Variants in CRACD observed in about 807,000 individuals in gnomAD.
CRACD encodes capping protein inhibiting regulator of actin dynamics.
A neutral mutation model predicts 106.8 loss-of-function variants in CRACD; 56 were observed. The ratio of observed to expected loss-of-function variants is 0.52; its 90% CI spans 0.42 to 0.66. CRACD has a LOEUF of 0.66. Ranked by LOEUF, CRACD falls within the 30% of genes least tolerant of loss-of-function variation. CRACD has a pLI of 0.00. For missense variants in CRACD, 1,730 were observed against 1,623.2 expected (o/e 1.07, Z -1.13); for synonymous variants, 754 against 670.8 (o/e 1.12, Z -1.92).
rs1746559823 is a variant in CRACD at position 56,327,865 on chromosome 4, A to G, written c.*61A>G. 1.4e-6 allele frequency: 2 copies of G among 1,443,574 alleles called. No individual in the cohort carries two copies. Among genetic ancestry groups the G allele is most frequent in the African/African-American group, 2.9e-5 (2 of 69,978 alleles). 89.4% of individuals were successfully genotyped at this position (1,443,574 alleles called of 1,614,324 possible). A position where few individuals can be genotyped will look rare whatever the true frequency, so the allele number is the denominator to read the frequency against. On this transcript the variant is annotated 3_prime_UTR_variant, in exon 11 of 11. Coordinates refer to ENST00000682029, the MANE Select transcript of CRACD (RefSeq NM_001393381.1). ...GGCTCCTCTCTTGCCCTTTTTATTT[A>G]TTTATTTTTTATATGGGGTAAAGAA...
chr4:56,182,863 A>ATGTGTGTG (rs34291347), intron 2 of CRACD, among the ~76,000 whole-genome samples: 1,688 of 144,774 alleles, frequency 0.012, 45 homozygotes, highest in East Asian at 0.069. Context: ...AAAAAAAGAT[A>ATGTGTGTG]TGTGTGTGTG....
chr4:56,074,076 A>G (rs1732754015), intron 1 of CRACD, among the ~76,000 whole-genome samples: 1 of 151,034 alleles, frequency 6.6e-6, no homozygotes, highest in African/African-American at 2.4e-5. Context: ...CTGTTTTGGT[A>G]TATACTGTAG....
chr4:56,108,269 AATCCTGTATCATTAAT>A (rs1229035939), intron 1 of CRACD, among the ~76,000 whole-genome samples: 1 of 152,188 alleles, frequency 6.6e-6, no homozygotes, highest in African/African-American at 2.4e-5. Context: ...CCACCGGTAT[AATCCTGTATCATTAAT>A]ACCCCTGATA....
At chr4:56,134,819 T>A (rs1175243714) in intron 1 of CRACD, among the ~76,000 whole-genome samples, 2 of 152,114 alleles carry the variant, frequency 1.3e-5, no homozygotes, top group Non-Finnish European at 2.9e-5. Flanking sequence ...AGATCAGATG[T>A]CAGGGAAGAA....
chr4:56,175,664 G>A (rs1055830784), intron 1 of CRACD, among the ~76,000 whole-genome samples: 5 of 152,108 alleles, frequency 3.3e-5, no homozygotes, highest in African/African-American at 1.2e-4. Context: ...AGTTGTTAGA[G>A]TTCTTTATAT....
chr4:56,214,681 C>CTCTCTCTCTATATATATATATA, intron 2 of CRACD, among the ~76,000 whole-genome samples: 21 of 80,990 alleles, frequency 2.6e-4, no homozygotes, highest in African/African-American at 7.7e-4. Context: ...CTCTCTCTCT[C>CTCTCTCTCTATATATATATATA]TATATATATA....
intron 2 of CRACD, among the ~76,000 whole-genome samples, chr4:56,217,001 AAG>A (rs1433522558): frequency 1.5e-4 from 22 of 148,602 alleles, no homozygotes; most frequent in African/African-American, 5.4e-4. Context: ...AAAAAAAAAA[AAG>A]AAAAAAAAAA....
chr4:56,254,064 G>A (rs1741200964), intron 2 of CRACD, among the ~76,000 whole-genome samples: 1 of 152,022 alleles, frequency 6.6e-6, no homozygotes, highest in Non-Finnish European at 1.5e-5. Flanking sequence ...GAAAGATTCT[G>A]CAGAACATGT....
intron 1 of CRACD, among the ~76,000 whole-genome samples, chr4:56,171,797 C>G (rs779592855): frequency 1.3e-5 from 2 of 152,068 alleles, no homozygotes; most frequent in African/African-American, 4.8e-5. Context: ...CAACCATATG[C>G]CTGCCTCCGT....
At chr4:56,317,315 G>A (rs1163704990) in intron 8 of CRACD, among the ~76,000 whole-genome samples, 1 of 152,194 alleles carries the variant, frequency 6.6e-6, no homozygotes. Context: ...AGAGGCTGGT[G>A]TGGGATTCCC....
chr4:56,114,367 C>T (rs1440456636), intron 1 of CRACD, among the ~76,000 whole-genome samples: 1 of 151,496 alleles, frequency 6.6e-6, no homozygotes, highest in Non-Finnish European at 1.5e-5. Flanking sequence ...AGAATCTGGC[C>T]CCTTTAAAAA....
chr4:56,151,531 A>G (rs552266079), intron 1 of CRACD, among the ~76,000 whole-genome samples: 2 of 152,232 alleles, frequency 1.3e-5, no homozygotes, highest in East Asian at 3.9e-4. Flanking sequence ...TTTTCTATGA[A>G]TGAGGATATT....
At chr4:56,179,473 G>GA (rs1736720848) in intron 2 of CRACD, 43 bp downstream of exon 2, 1 of 152,014 alleles carries the variant, frequency 6.6e-6, no homozygotes, top group East Asian at 1.9e-4. Context: ...GTAGCTTATG[G>GA]AAAAAATGCT....
intron 2 of CRACD, among the ~76,000 whole-genome samples, chr4:56,206,452 G>A (rs1168642619): frequency 6.6e-6 from 1 of 152,182 alleles, no homozygotes; most frequent in Non-Finnish European, 1.5e-5. Context: ...AGCCATAAAC[G>A]TAATGGCAGA....
chr4:56,169,948 G>A (rs1267387104), intron 1 of CRACD, among the ~76,000 whole-genome samples: 1 of 152,078 alleles, frequency 6.6e-6, no homozygotes, highest in African/African-American at 2.4e-5. Context: ...CAACCAGCAG[G>A]GGTATTTATC....
intron 1 of CRACD, among the ~76,000 whole-genome samples, chr4:56,142,960 C>A (rs542694790): frequency 6.6e-6 from 1 of 151,632 alleles, no homozygotes; most frequent in Non-Finnish European, 1.5e-5. Flanking sequence ...TTTTACCATT[C>A]GGTAAGACAA....
chr4:56,233,825 A>G (rs997743062), intron 2 of CRACD, among the ~76,000 whole-genome samples: 4 of 152,170 alleles, frequency 2.6e-5, no homozygotes, highest in African/African-American at 7.2e-5. Context: ...CAACCCATGT[A>G]TATGGTATAT....
At chr4:56,159,483 A>G (rs1208730962) in intron 1 of CRACD, among the ~76,000 whole-genome samples, 1 of 152,046 alleles carries the variant, frequency 6.6e-6, no homozygotes, top group African/African-American at 2.4e-5. Flanking sequence ...ACCCCATTCT[A>G]CTAAAAATAC....
At chr4:56,170,088 CCTTCCTCCT>C (rs745333698) in intron 1 of CRACD, 15 of 152,852 alleles carry the variant, frequency 9.8e-5, no homozygotes, top group African/African-American at 2.9e-4. Flanking sequence ...CCTCCTTTTT[CCTTCCTCCT>C]CTTCCTCCTC....
Sources: gnomAD v4.1 joint callset for allele counts (sites outside exome capture counted in the v4.1 genomes callset) on GRCh38, gnomAD v4.1.1 for gene constraint, MANE v1.5 for transcripts, NCBI Gene and HGNC (gene_info 2026-07-23, HGNC 2026-07-21) for gene names.